RAPGEF6: variants seen among roughly 807,000 people sequenced by gnomAD.
RAPGEF6 encodes Rap guanine nucleotide exchange factor 6.
A neutral mutation model predicts 171.4 loss-of-function variants in RAPGEF6; 56 were observed. That is an observed-to-expected ratio of 0.33 (90% CI 0.26 to 0.41). The LOEUF is 0.41. Ranked by LOEUF, RAPGEF6 falls within the 10% of genes least tolerant of loss-of-function variation. The probability of loss-of-function intolerance (pLI) is 1.00; values close to 1 mark genes in which losing one functional copy is unlikely to be tolerated. For synonymous variants in RAPGEF6, 692 were observed against 650.1 expected, an observed-to-expected ratio of 1.06 and a Z score of -0.98; for missense variants, 1,674 against 1,921.4, an observed-to-expected ratio of 0.87 and a Z score of 2.41.
At chr5:131,523,445 A>C (rs1422254246) in intron 6 of RAPGEF6, among the ~76,000 whole-genome samples, 1 of 151,980 alleles carries the variant, frequency 6.6e-6, no homozygotes, top group African/African-American at 2.4e-5. Flanking sequence ...TCAGCAAAGA[A>C]AGAAAAATAA....
At chr5:131,457,813 T>A (rs1002063464) in intron 19 of RAPGEF6, among the ~76,000 whole-genome samples, 22 of 152,274 alleles carry the variant, frequency 1.4e-4, no homozygotes, top group South Asian at 4.1e-4. Context: ...TATCATTTAA[T>A]ATGAAGCACC....
At chr5:131,599,355 A>G (rs1403141802) in intron 3 of RAPGEF6, among the ~76,000 whole-genome samples, 1 of 152,010 alleles carries the variant, frequency 6.6e-6, no homozygotes, top group African/African-American at 2.4e-5. Flanking sequence ...CAACAACAAA[A>G]CGAACAAACA....
intron 5 of RAPGEF6, among the ~76,000 whole-genome samples, chr5:131,551,140 C>T (rs1458657646): frequency 6.6e-6 from 1 of 152,144 alleles, no homozygotes; most frequent in Non-Finnish European, 1.5e-5. Context: ...GAAACTGCAG[C>T]TTATCTCATT....
At chr5:131,539,485 CAT>C (rs1340162668) in intron 6 of RAPGEF6, among the ~76,000 whole-genome samples, 1 of 152,184 alleles carries the variant, frequency 6.6e-6, no homozygotes, top group Admixed American at 6.5e-5. Flanking sequence ...TAAGCAATCA[CAT>C]GTTTGTACCA....
At chr5:131,536,447 G>A (rs964999932) in intron 6 of RAPGEF6, among the ~76,000 whole-genome samples, 17 of 152,130 alleles carry the variant, frequency 1.1e-4, no homozygotes, top group Middle Eastern at 3.2e-3. Context: ...GGAGGCAAGA[G>A]TACCAACGCT....
chr5:131,624,172 T>C (rs538485470), intron 1 of RAPGEF6, among the ~76,000 whole-genome samples: 1 of 152,338 alleles, frequency 6.6e-6, no homozygotes, highest in East Asian at 1.9e-4. Context: ...ACATATATTA[T>C]CTCATTTGGT....
intron 17 of RAPGEF6, among the ~76,000 whole-genome samples, chr5:131,467,544 C>T (rs1424285192): frequency 6.6e-6 from 1 of 152,152 alleles, no homozygotes; most frequent in Non-Finnish European, 1.5e-5. Context: ...AGTAGGAAAA[C>T]CACATACATG....
At chr5:131,455,019 T>A (rs1422360931) in intron 20 of RAPGEF6, among the ~76,000 whole-genome samples, 1 of 151,976 alleles carries the variant, frequency 6.6e-6, no homozygotes, top group African/African-American at 2.4e-5. Context: ...AAACAAAAAT[T>A]AAGAGATATT....
At chr5:131,516,385 A>G (rs1481417516) in intron 7 of RAPGEF6, among the ~76,000 whole-genome samples, 2 of 152,158 alleles carry the variant, frequency 1.3e-5, no homozygotes, top group African/African-American at 4.8e-5. Flanking sequence ...GTGTAAGAGA[A>G]CATGTGGTGA....
intron 6 of RAPGEF6, among the ~76,000 whole-genome samples, chr5:131,543,382 T>G (rs1413738240): frequency 6.6e-6 from 1 of 152,122 alleles, no homozygotes; most frequent in Non-Finnish European, 1.5e-5. Context: ...CAAAATCTCT[T>G]AAAATGAAAA....
intron 6 of RAPGEF6, among the ~76,000 whole-genome samples, chr5:131,530,543 C>A (rs978214244): frequency 6.6e-6 from 1 of 152,038 alleles, no homozygotes; most frequent in Non-Finnish European, 1.5e-5. Flanking sequence ...TAACAAAATT[C>A]TAAGTTTTAT....
chr5:131,429,745 A>T (rs1751582404), intron 26 of RAPGEF6, among the ~76,000 whole-genome samples: 1 of 152,096 alleles, frequency 6.6e-6, no homozygotes, highest in Non-Finnish European at 1.5e-5. Flanking sequence ...GTACGGAGGA[A>T]CTAATTCCTT....
chr5:131,569,174 C>A (rs1162533789), intron 4 of RAPGEF6, among the ~76,000 whole-genome samples: 3 of 152,264 alleles, frequency 2.0e-5, no homozygotes, highest in Admixed American at 2.0e-4. Flanking sequence ...AGATTCAAAT[C>A]ATTTCCTATC....
intron 6 of RAPGEF6, among the ~76,000 whole-genome samples, chr5:131,527,550 G>A (rs1335714411): frequency 1.3e-5 from 2 of 152,090 alleles, no homozygotes; most frequent in East Asian, 1.9e-4. Context: ...CATTTAAAAT[G>A]TATATACCTT....
chr5:131,471,819 T>A (rs1038307082), intron 17 of RAPGEF6, among the ~76,000 whole-genome samples: 14 of 152,040 alleles, frequency 9.2e-5, no homozygotes, highest in African/African-American at 3.1e-4. Context: ...CTGATAACAA[T>A]ACATGACAAA....
Position 131,476,533 on chromosome 5 carries a change from C to T in RAPGEF6, c.2081+2980G>A, listed in dbSNP as rs1021209959. On this transcript the variant is annotated intron_variant, in intron 16 of 27. Transcript: ENST00000509018. ...GCAGTGCAGTGGCACGAGCTTGGCT[C>T]GCCACAACCTCCATCTCCCTGGGTT... Among the ~76,000 whole-genome samples, 13 of 152,128 alleles carry T rather than the reference C, an allele frequency of 8.5e-5. No individual in the cohort carries two copies. The South Asian group carries it at 1.0e-3, about 12-fold the overall frequency.
intron 4 of RAPGEF6, among the ~76,000 whole-genome samples, chr5:131,573,617 C>T (rs554355472): frequency 2.6e-5 from 4 of 152,170 alleles, no homozygotes; most frequent in African/African-American, 4.8e-5. Context: ...GGCAGTTCCC[C>T]GAGAGGATTC....
chr5:131,549,469 T>C (rs1007803878), intron 5 of RAPGEF6, among the ~76,000 whole-genome samples: 1 of 152,206 alleles, frequency 6.6e-6, no homozygotes, highest in Non-Finnish European at 1.5e-5. Context: ...TTTCTGTATT[T>C]ACATACCTAT....
intron 4 of RAPGEF6, among the ~76,000 whole-genome samples, chr5:131,589,820 G>C (rs1341664625): frequency 6.6e-6 from 1 of 152,192 alleles, no homozygotes; most frequent in Non-Finnish European, 1.5e-5. Context: ...GGTAAGGGGG[G>C]TCTCCTAAGT....
Sources: gnomAD v4.1 joint callset for allele counts (sites outside exome capture counted in the v4.1 genomes callset) on GRCh38, gnomAD v4.1.1 for gene constraint, MANE v1.5 for transcripts, NCBI Gene and HGNC (gene_info 2026-07-23, HGNC 2026-07-21) for gene names.